PCDHA4: variants seen among roughly 807,000 people sequenced by gnomAD.
PCDHA4 encodes protocadherin alpha 4.
Under a neutral mutation model 61.4 loss-of-function variants are expected in PCDHA4, and 49 were observed. The observed-to-expected ratio is 0.80, with a 90% CI of 0.63 to 1.01. The LOEUF (loss-of-function observed/expected upper bound fraction) is 1.01, where lower values mean the gene tolerates loss of function less well. Among genes scored for constraint, PCDHA4 ranks in the 50% least tolerant of loss-of-function variants. The probability of loss-of-function intolerance (pLI) is 0.00; values close to 1 mark genes in which losing one functional copy is unlikely to be tolerated. For synonymous variants in PCDHA4, 590 were observed against 550.3 expected (o/e 1.07, Z -1.01); for missense variants, 1,254 against 1,235.8 (o/e 1.01, Z -0.22).
In PCDHA4 at chr5:140,884,465, G is replaced by A. The variant is rs782791774; in HGVS notation, c.2385+74893G>A. 8.1e-6 allele frequency: 13 copies of A among 1,613,634 alleles called. No homozygotes were observed. In the South Asian group the frequency reaches 9.9e-5, roughly 12 times the overall value. ...GGCACCGCCCACCGAGGGCGCGTGCGCGCCGGGCAAGCCCACTCTAGTGTG... is the reference window on the plus strand; with the variant it reads ...GGCACCGCCCACCGAGGGCGCGTGCACGCCGGGCAAGCCCACTCTAGTGTG... On this transcript the variant is annotated intron_variant, in intron 1 of 3. Coordinates refer to ENST00000530339, the MANE Select transcript of PCDHA4 (RefSeq NM_018907.4).
intron 1 of PCDHA4, among the ~76,000 whole-genome samples, chr5:140,950,995 C>T (rs1554219713): frequency 6.6e-6 from 1 of 151,856 alleles, no homozygotes; most frequent in Non-Finnish European, 1.5e-5. Flanking sequence ...TCTTTTAGCT[C>T]CATTTTTCCC....
chr5:140,968,401 C>A, intron 1 of PCDHA4: 4 of 1,613,984 alleles, frequency 2.5e-6, no homozygotes, highest in Non-Finnish European at 2.5e-6. Context: ...TTCGGGAGTT[C>A]TTTGTGACTG....
chr5:140,996,799 T>C (rs1372599057), intron 3 of PCDHA4, among the ~76,000 whole-genome samples: 3 of 152,306 alleles, frequency 2.0e-5, no homozygotes, highest in African/African-American at 7.2e-5. Context: ...CTACATCCAA[T>C]CATGCTTTCC....
chr5:140,911,907 C>T (rs926309943), intron 1 of PCDHA4, among the ~76,000 whole-genome samples: 2 of 152,110 alleles, frequency 1.3e-5, no homozygotes, highest in Admixed American at 6.6e-5. Flanking sequence ...AGTCAGAGCT[C>T]TCTAGAGGAC....
At chr5:140,836,291 C>G (rs1774343401) in intron 1 of PCDHA4, 2 of 1,613,720 alleles carry the variant, frequency 1.2e-6, no homozygotes. Context: ...CGACACGAGC[C>G]CTAGATGAGA....
intron 1 of PCDHA4, chr5:140,835,375 C>T: frequency 1.2e-6 from 2 of 1,613,976 alleles, no homozygotes; most frequent in Non-Finnish European, 1.7e-6. Flanking sequence ...CCACCCCTGG[C>T]TGGTCATTGT....
At chr5:140,935,402 A>T (rs1297077002) in intron 1 of PCDHA4, among the ~76,000 whole-genome samples, 2 of 152,212 alleles carry the variant, frequency 1.3e-5, no homozygotes, top group Non-Finnish European at 2.9e-5. Flanking sequence ...ACGGGACTCA[A>T]ACAATGGACT....
At chr5:140,902,668 G>C (rs1385644848) in intron 1 of PCDHA4, among the ~76,000 whole-genome samples, 3 of 152,126 alleles carry the variant, frequency 2.0e-5, no homozygotes, top group African/African-American at 7.2e-5. Context: ...CACCCAAGCA[G>C]TGTACACCGT....
intron 3 of PCDHA4, among the ~76,000 whole-genome samples, chr5:141,003,441 AGAT>A (rs2098125025): frequency 6.6e-6 from 1 of 152,122 alleles, no homozygotes; most frequent in Non-Finnish European, 1.5e-5. Context: ...CCTCCCAAGT[AGAT>A]GAAATTACAG....
intron 1 of PCDHA4, among the ~76,000 whole-genome samples, chr5:140,963,229 G>A (rs1211084766): frequency 2.6e-5 from 4 of 152,134 alleles, no homozygotes; most frequent in African/African-American, 7.2e-5. Context: ...AGTAGACACT[G>A]TTTGATGGAT....
At position 140,850,636 on chromosome 5, in the gene PCDHA4, C is replaced by T. The variant is rs2150491740; in HGVS notation, c.2385+41064C>T. The T allele has an allele frequency of 8.1e-6, 13 of 1,598,538 alleles. 2 individuals are homozygous for T. The highest frequency in any genetic ancestry group is 6.7e-5 in the Admixed American group (4 of 59,320). Reference sequence around the variant, plus strand: ...GCGGTGTCTAGCCTGTTGGTTCTCACGCTGCTGCTGTACACTGTGCTGCGG... The same window carrying T: ...GCGGTGTCTAGCCTGTTGGTTCTCATGCTGCTGCTGTACACTGTGCTGCGG... On this transcript the variant is annotated intron_variant, in intron 1 of 3. Transcript: ENST00000530339.
At chr5:140,857,771 G>C in intron 1 of PCDHA4, 3 of 1,597,658 alleles carry the variant, frequency 1.9e-6, no homozygotes, top group Non-Finnish European at 2.6e-6. Flanking sequence ...CGCGGGCGGT[G>C]CAGTCAGTGA....
In PCDHA4 at chr5:141,011,512, G is replaced by A. The variant is rs561564688; in HGVS notation, c.*1575G>A. On this transcript the variant is annotated 3_prime_UTR_variant, in exon 4 of 4. Coordinates refer to ENST00000530339, the MANE Select transcript of PCDHA4 (RefSeq NM_018907.4). ...TGTACACCTGTGAAAAAGTGGAGTAGTGTTTTTTTAACCATTGTTAATCAG... is the reference window on the plus strand; with the variant it reads ...TGTACACCTGTGAAAAAGTGGAGTAATGTTTTTTTAACCATTGTTAATCAG... 9 of 153,844 alleles carry A rather than the reference G, an allele frequency of 5.9e-5. No homozygotes were observed. Among genetic ancestry groups the A allele is most frequent in the African/African-American group, 2.2e-4 (9 of 41,570 alleles). 9.5% of individuals were successfully genotyped at this position (153,844 alleles called of 1,614,324 possible).
intron 1 of PCDHA4, chr5:140,871,159 GC>G (rs1562658226): frequency 6.2e-7 from 1 of 1,613,450 alleles, no homozygotes; most frequent in Non-Finnish European, 8.5e-7. Flanking sequence ...GGCGGGCGCC[GC>G]GAGCCCAGAG....
chr5:140,899,485 G>T (rs2067355642), intron 1 of PCDHA4, among the ~76,000 whole-genome samples: 2 of 152,140 alleles, frequency 1.3e-5, no homozygotes, highest in African/African-American at 4.8e-5. Flanking sequence ...TTATATGCTG[G>T]ATTACATTTA....
chr5:140,953,602 CCA>C (rs1246265860), intron 1 of PCDHA4, among the ~76,000 whole-genome samples: 3 of 152,040 alleles, frequency 2.0e-5, no homozygotes, highest in Admixed American at 6.6e-5. Context: ...TGTTTATTCC[CCA>C]GAGTCCTTAG....
In PCDHA4 at chr5:140,858,601, A is replaced by G. The variant is rs7341057; in HGVS notation, c.2385+49029A>G. On this transcript the variant is annotated intron_variant, in intron 1 of 3. Transcript: ENST00000530339. ...TAATATAATTTATTCCAGGAGTTTT[A>G]AAATTTTTTTATCCTACCCAGTGTG... 747 of 1,295,358 alleles carry G rather than the reference A, an allele frequency of 5.8e-4. 36 individuals carry two copies. The African/African-American group carries it at 0.01, about 18-fold the overall frequency. 80.2% of individuals were successfully genotyped at this position (1,295,358 alleles called of 1,614,324 possible).
chr5:140,884,021 G>C, intron 1 of PCDHA4: 1 of 1,613,318 alleles, frequency 6.2e-7, no homozygotes, highest in Non-Finnish European at 8.5e-7. Flanking sequence ...GCCGCGGTCG[G>C]TGGGTGCAGG....
At chr5:140,985,938 A>G (rs960910585) in intron 3 of PCDHA4, among the ~76,000 whole-genome samples, 8 of 151,748 alleles carry the variant, frequency 5.3e-5, no homozygotes, top group Non-Finnish European at 8.8e-5. Context: ...CCGGGGTTTC[A>G]CTGTGTTAGC....
Sources: gnomAD v4.1 joint callset for allele counts (sites outside exome capture counted in the v4.1 genomes callset) on GRCh38, gnomAD v4.1.1 for gene constraint, MANE v1.5 for transcripts, NCBI Gene and HGNC (gene_info 2026-07-23, HGNC 2026-07-21) for gene names.